The following KLF12 variants were observed in gnomAD, a reference collection of about 807,000 sequenced individuals.
KLF12 encodes KLF transcription factor 12.
In KLF12, 9 loss-of-function variants were observed where a neutral mutation model predicts 37.8. The observed-to-expected ratio is 0.24, with a 90% CI of 0.14 to 0.42. KLF12 has a LOEUF of 0.42. Ranked by LOEUF, KLF12 falls within the 10% of genes least tolerant of loss-of-function variation. The pLI is 1.00. For missense variants in KLF12, 411 were observed against 516.0 expected (o/e 0.80, Z 1.97); for synonymous variants, 208 against 202.1 (o/e 1.03, Z -0.25).
chr13:73,996,566 A>C (rs1593816057), intron 1 of KLF12, among the ~76,000 whole-genome samples: 1 of 152,318 alleles, frequency 6.6e-6, no homozygotes, highest in African/African-American at 2.4e-5. Context: ...TTAATCCAAA[A>C]ATTCATAATA....
chr13:73,935,284 C>T (rs1296152503), intron 3 of KLF12, among the ~76,000 whole-genome samples: 2 of 152,052 alleles, frequency 1.3e-5, no homozygotes, highest in Admixed American at 1.3e-4. Context: ...CCATCGTGCC[C>T]GGCCTACTTT....
At chr13:73,794,318 AG>A (rs1359073260) in intron 5 of KLF12, among the ~76,000 whole-genome samples, 1 of 152,138 alleles carries the variant, frequency 6.6e-6, no homozygotes, top group Non-Finnish European at 1.5e-5. Flanking sequence ...AAAATTAGCC[AG>A]GCGTGATGGT....
chr13:73,748,524 C>T (rs1176670689), intron 6 of KLF12, among the ~76,000 whole-genome samples: 1 of 152,062 alleles, frequency 6.6e-6, no homozygotes, highest in African/African-American at 2.4e-5. Flanking sequence ...CTTCTCTCTC[C>T]ACTTTTTGAG....
chr13:73,696,153 A>G (rs1384558591), intron 7 of KLF12, among the ~76,000 whole-genome samples: 1 of 151,742 alleles, frequency 6.6e-6, no homozygotes, highest in African/African-American at 2.4e-5. Flanking sequence ...ATATACACAA[A>G]ATTTTACTGA....
the KLF12 span, among the ~76,000 whole-genome samples, chr13:74,143,120 C>T: frequency 2.1e-5 from 3 of 142,362 alleles, no homozygotes; most frequent in African/African-American, 3.0e-5. Flanking sequence ...CCTCCTCTTG[C>T]TCCTCCTCCT....
rs143726679 is a variant in KLF12, at chr13:73,777,023, A to G, written c.807-12023T>C. Reference sequence around the variant, plus strand: ...AACAACATAAGATTAAGAACACCCAATTCTGCAAACAGAAGAAGAGTTGGA... The same window carrying G: ...AACAACATAAGATTAAGAACACCCAGTTCTGCAAACAGAAGAAGAGTTGGA... On this transcript the variant is annotated intron_variant, in intron 5 of 7. Coordinates refer to ENST00000377669, the MANE Select transcript of KLF12 (RefSeq NM_007249.5). Among the ~76,000 whole-genome samples the G allele has an allele frequency of 5.7e-3, 874 of 152,318 alleles. 6 individuals carry two copies. The highest frequency in any genetic ancestry group is 6.8e-3 in the Middle Eastern group (2 of 294).
intron 4 of KLF12, among the ~76,000 whole-genome samples, chr13:73,818,301 G>T (rs772202994): frequency 1.3e-5 from 2 of 152,200 alleles, no homozygotes; most frequent in Non-Finnish European, 2.9e-5. Context: ...GACAGCCACT[G>T]CGCCGGCCGA....
At chr13:74,203,885 T>C in the KLF12 span, among the ~76,000 whole-genome samples, 5 of 152,130 alleles carry the variant, frequency 3.3e-5, no homozygotes, top group Admixed American at 6.6e-5. Flanking sequence ...CCCAAGACTC[T>C]GTTTTGAACA....
intron 3 of KLF12, among the ~76,000 whole-genome samples, chr13:73,881,223 T>A (rs1234645443): frequency 6.6e-6 from 1 of 152,276 alleles, no homozygotes; most frequent in Admixed American, 6.5e-5. Context: ...TTTATTTCTG[T>A]ATTTTTGCAT....
At chr13:73,904,255 C>G (rs578075640) in intron 3 of KLF12, among the ~76,000 whole-genome samples, 1 of 152,128 alleles carries the variant, frequency 6.6e-6, no homozygotes, top group Non-Finnish European at 1.5e-5. Context: ...CTACCCGACA[C>G]GTCCTAGCAC....
At chr13:73,848,683 G>T (rs2138705985) in intron 3 of KLF12, among the ~76,000 whole-genome samples, 1 of 151,492 alleles carries the variant, frequency 6.6e-6, no homozygotes, top group East Asian at 1.9e-4. Flanking sequence ...AATATTAAGA[G>T]CCCCTAGGTA....
Position 73,807,369 on chromosome 13 carries a change from G to A in KLF12, c.806+5783C>T, listed in dbSNP as rs541174039. Among the ~76,000 whole-genome samples the A allele has an allele frequency of 1.2e-4, 18 of 151,828 alleles. No homozygotes were observed. The East Asian group carries it at 3.5e-3, about 29-fold the overall frequency. The stretch of plus-strand genomic sequence containing the variant: ...TAAGAGAAGTCTGAGGAAGCAATAG[G>A]GTATCTAACTTGCTACCATATCTGC... On this transcript the variant is annotated intron_variant, in intron 5 of 7. Transcript: ENST00000377669.
At chr13:73,905,844 C>A (rs576844853) in intron 3 of KLF12, among the ~76,000 whole-genome samples, 1 of 152,260 alleles carries the variant, frequency 6.6e-6, no homozygotes, top group South Asian at 2.1e-4. Context: ...TTCCTCCAAA[C>A]TTAATTAACC....
chr13:74,046,722 G>A (rs1893557744), intron 1 of KLF12, among the ~76,000 whole-genome samples: 1 of 152,232 alleles, frequency 6.6e-6, no homozygotes, highest in South Asian at 2.1e-4. Context: ...ACCACTCTAA[G>A]AAGGAATGTT....
chr13:74,001,620 A>G (rs981988967), intron 1 of KLF12, among the ~76,000 whole-genome samples: 13 of 152,240 alleles, frequency 8.5e-5, no homozygotes, highest in Admixed American at 2.6e-4. Flanking sequence ...GCCAATGCTA[A>G]GCAAGATAAA....
chr13:73,953,671 C>G (rs916935780), intron 2 of KLF12, among the ~76,000 whole-genome samples: 5 of 152,226 alleles, frequency 3.3e-5, no homozygotes, highest in African/African-American at 1.2e-4. Context: ...AAATTTCCAC[C>G]TTTTCTTGTG....
intron 3 of KLF12, among the ~76,000 whole-genome samples, chr13:73,848,080 T>C (rs1040731363): frequency 1.3e-5 from 2 of 152,230 alleles, no homozygotes; most frequent in African/African-American, 4.8e-5. Context: ...CACCACTAGT[T>C]TGACTTTAAA....
chr13:74,278,692 C>T, the KLF12 span, among the ~76,000 whole-genome samples: 1 of 152,170 alleles, frequency 6.6e-6, no homozygotes, highest in African/African-American at 2.4e-5. Flanking sequence ...GCTGCCTTTT[C>T]TCACCTTTTC....
chr13:74,287,349 T>TGAGAGAGAGAGATAGAGAGAGAGAGA, the KLF12 span, among the ~76,000 whole-genome samples: 27 of 71,896 alleles, frequency 3.8e-4, 1 homozygote, highest in African/African-American at 1.6e-3. Context: ...CTATCAAAGT[T>TGAGAGAGAGAGATAGAGAGAGAGAGA]GAGAGAGAGA....
Sources: allele counts gnomAD v4.1 joint callset (sites outside exome capture counted in the v4.1 genomes callset), GRCh38; gene constraint gnomAD v4.1.1; transcripts MANE v1.5; gene names NCBI Gene and HGNC (gene_info 2026-07-23, HGNC 2026-07-21).